The following RALGAPA1 variants were observed in gnomAD, a reference collection of about 807,000 sequenced individuals.
RALGAPA1 encodes the protein ral GTPase-activating protein subunit alpha-1.
A neutral mutation model predicts 269.6 loss-of-function variants in RALGAPA1; 52 were observed. The ratio of observed to expected loss-of-function variants is 0.19; its 90% CI spans 0.15 to 0.24. The LOEUF (loss-of-function observed/expected upper bound fraction) is 0.24. Ranked by LOEUF, RALGAPA1 falls within the 10% of genes least tolerant of loss-of-function variation. The pLI is 1.00. For synonymous variants in RALGAPA1, 817 were observed against 1,008.3 expected, an observed-to-expected ratio of 0.81 and a Z score of 3.60; for missense variants, 1,917 against 3,013.9, an observed-to-expected ratio of 0.64 and a Z score of 8.52.
intron 33 of RALGAPA1, among the ~76,000 whole-genome samples, chr14:35,629,398 A>G (rs1374455402): frequency 1.3e-5 from 2 of 152,118 alleles, no homozygotes; most frequent in Non-Finnish European, 2.9e-5. Context: ...TAACAGAGTG[A>G]TCTTGTCTTG....
chr14:35,677,872 G>A (rs766675192), intron 22 of RALGAPA1, 78 bp downstream of exon 22: 8 of 1,321,348 alleles, frequency 6.1e-6, no homozygotes, highest in Non-Finnish European at 8.6e-6. Flanking sequence ...ATAATCAAAT[G>A]TAAGATGCCT....
intron 10 of RALGAPA1, among the ~76,000 whole-genome samples, chr14:35,743,941 G>GA (rs1036415424): frequency 9.9e-5 from 15 of 151,828 alleles, no homozygotes; most frequent in Admixed American, 1.3e-4. Context: ...CATTTTCATA[G>GA]AAAAAAAATT....
At chr14:35,773,015 C>T (rs1011811395) in intron 3 of RALGAPA1, among the ~76,000 whole-genome samples, 1 of 152,094 alleles carries the variant, frequency 6.6e-6, no homozygotes, top group African/African-American at 2.4e-5. Context: ...CTATGTCTCC[C>T]ACAGCTGGCC....
chr14:35,579,822 A>G (rs2057835076), intron 37 of RALGAPA1, among the ~76,000 whole-genome samples: 1 of 152,152 alleles, frequency 6.6e-6, no homozygotes, highest in Admixed American at 6.5e-5. Context: ...GACTCAAACA[A>G]TGAGTATAAT....
At chr14:35,560,652 G>T (rs1002423807) in intron 39 of RALGAPA1, among the ~76,000 whole-genome samples, 1 of 152,012 alleles carries the variant, frequency 6.6e-6, no homozygotes, top group Non-Finnish European at 1.5e-5. Flanking sequence ...AATATCTCTA[G>T]AATTAAAACA....
At chr14:35,657,070 A>G (rs1200484533) in intron 28 of RALGAPA1, among the ~76,000 whole-genome samples, 1 of 152,054 alleles carries the variant, frequency 6.6e-6, no homozygotes, top group African/African-American at 2.4e-5. Flanking sequence ...TTGCATGTAG[A>G]GTTTCCTACA....
chr14:35,636,479 T>C (rs1200510699), intron 31 of RALGAPA1, among the ~76,000 whole-genome samples: 1 of 152,182 alleles, frequency 6.6e-6, no homozygotes, highest in African/African-American at 2.4e-5. Context: ...ACAGCTTCCA[T>C]ATTATCAGAA....
chr14:35,607,544 C>A (rs2059673373), intron 35 of RALGAPA1, among the ~76,000 whole-genome samples: 1 of 152,222 alleles, frequency 6.6e-6, no homozygotes, highest in African/African-American at 2.4e-5. Flanking sequence ...GGTAGAGATT[C>A]TGCCAGAAGA....
Position 35,627,102 on chromosome 14 carries a change from G to C in RALGAPA1, c.6845C>G (p.Ser2282Cys). Residue 2282 changes from serine to cysteine, a missense_variant, in exon 34 of 42, where the codon TCC (serine) becomes TGC (cysteine). Ser to Cys is a moderately radical substitution (Grantham distance 112). Coordinates refer to ENST00000680220, the MANE Select transcript of RALGAPA1 (RefSeq NM_001346249.2). ...CCCTTATGCTTACCGTTTGTCCCAGGAATTCATTCCCAATATACTAAGAAG... is the reference window on the plus strand; with the variant it reads ...CCCTTATGCTTACCGTTTGTCCCAGCAATTCATTCCCAATATACTAAGAAG... Reference protein sequence around the residue: ...RLLLSILGMNSWDKRRSFHLL... With the variant: ...RLLLSILGMNCWDKRRSFHLL... 6.5e-7 allele frequency: 1 copy of C among 1,528,074 alleles called. No homozygotes were observed. The highest frequency in any genetic ancestry group is 8.7e-7 in the Non-Finnish European group (1 of 1,145,858). The allele number at this position is 1,528,074 out of a possible 1,614,324, so 94.7% of individuals were successfully genotyped here. A position where few individuals can be genotyped will look rare whatever the true frequency, so the allele number is the denominator to read the frequency against.
intron 16 of RALGAPA1, among the ~76,000 whole-genome samples, chr14:35,702,742 C>T (rs367624307): frequency 6.5e-5 from 9 of 139,410 alleles, no homozygotes; most frequent in African/African-American, 2.0e-4. Context: ...TATATATATA[C>T]ATTTTTTTTT....
At chr14:35,546,372 T>A (rs1210562965) in intron 41 of RALGAPA1, among the ~76,000 whole-genome samples, 1 of 151,956 alleles carries the variant, frequency 6.6e-6, no homozygotes, top group African/African-American at 2.4e-5. Flanking sequence ...GACGAGTTAA[T>A]GGGTGCAGCA....
intron 3 of RALGAPA1, among the ~76,000 whole-genome samples, chr14:35,771,410 AAAAC>A (rs534325944): frequency 6.6e-5 from 10 of 152,112 alleles, no homozygotes; most frequent in South Asian, 2.1e-4. Context: ...AAAACAAAAC[AAAAC>A]AAACAAACAA....
chr14:35,766,168 A>G, intron 4 of RALGAPA1: 1 of 866,496 alleles, frequency 1.2e-6, no homozygotes. Context: ...TTCAAACCAA[A>G]CTATGGCTTA....
At chr14:35,633,495 C>T (rs963045241) in intron 33 of RALGAPA1, among the ~76,000 whole-genome samples, 4 of 152,036 alleles carry the variant, frequency 2.6e-5, no homozygotes, top group Non-Finnish European at 5.9e-5. Flanking sequence ...ATCTAATATA[C>T]CAGGAGTCAG....
intron 39 of RALGAPA1, among the ~76,000 whole-genome samples, chr14:35,555,401 A>G (rs1325906582): frequency 6.6e-6 from 1 of 152,234 alleles, no homozygotes; most frequent in Non-Finnish European, 1.5e-5. Context: ...GAGAAGGGAA[A>G]AAAAGGGAAG....
At chr14:35,674,448 C>G in intron 23 of RALGAPA1, 68 bp downstream of exon 23, 1 of 1,427,944 alleles carries the variant, frequency 7.0e-7, no homozygotes, top group African/African-American at 1.4e-5. Flanking sequence ...CAAATGTTTT[C>G]TAAGGCTTCT....
intron 33 of RALGAPA1, among the ~76,000 whole-genome samples, chr14:35,628,373 A>G (rs952151066): frequency 2.0e-5 from 3 of 152,166 alleles, no homozygotes; most frequent in Non-Finnish European, 4.4e-5. Context: ...ATGTCTCTAT[A>G]AATAAAAATA....
chr14:35,572,767 A>G (rs1455101634), intron 37 of RALGAPA1, 49 bp from the exon 38 acceptor site: 3 of 1,308,102 alleles, frequency 2.3e-6, no homozygotes, highest in Non-Finnish European at 3.1e-6. Context: ...CTCTTTGAGT[A>G]CAGTCATACA....
intron 6 of RALGAPA1, among the ~76,000 whole-genome samples, chr14:35,759,422 A>C (rs1046176255): frequency 2.0e-5 from 3 of 152,188 alleles, no homozygotes; most frequent in African/African-American, 7.2e-5. Context: ...ACATGAGATC[A>C]TGTGAATGGG....
Sources: allele counts gnomAD v4.1 joint callset (sites outside exome capture counted in the v4.1 genomes callset), GRCh38; gene constraint gnomAD v4.1.1; transcripts MANE v1.5; gene names NCBI Gene and HGNC (gene_info 2026-07-23, HGNC 2026-07-21).